SLC37A1: variants seen among roughly 807,000 people sequenced by gnomAD.
SLC37A1 encodes glucose-6-phosphate exchanger SLC37A1.
In SLC37A1, 49 loss-of-function variants were observed where a neutral mutation model predicts 75.3. That is an observed-to-expected ratio of 0.65 (90% CI 0.52 to 0.83). SLC37A1 has a LOEUF of 0.83. Among genes scored for constraint, SLC37A1 ranks in the 40% least tolerant of loss-of-function variants. The probability of loss-of-function intolerance (pLI) is 0.00; values close to 1 mark genes in which losing one functional copy is unlikely to be tolerated. For missense variants in SLC37A1, 566 were observed against 695.0 expected, an observed-to-expected ratio of 0.81 and a Z score of 2.09; for synonymous variants, 268 against 292.1, an observed-to-expected ratio of 0.92 and a Z score of 0.84.
At position 42,528,922 on chromosome 21, in the gene SLC37A1, G is replaced by A. The variant is rs2054870336; in HGVS notation, c.138+3065G>A. On this transcript the variant is annotated intron_variant, in intron 3 of 19. Transcript: ENST00000352133. ...ACTATGGGTGGGAAACTTGTTATTT[G>A]GAAAGTTCCAATTCTCCCAGTGTTA... 2.0e-5 allele frequency among the ~76,000 whole-genome samples: 3 copies of A among 152,148 alleles called. 1 individual carries two copies. The South Asian group carries it at 6.2e-4, about 32-fold the overall frequency.
intron 9 of SLC37A1, among the ~76,000 whole-genome samples, chr21:42,551,137 T>C (rs1312894119): frequency 2.0e-5 from 3 of 152,226 alleles, no homozygotes; most frequent in African/African-American, 7.2e-5. Context: ...TCTTTGCAGA[T>C]GACATGATCT....
rs568977268 is a variant in SLC37A1, at chr21:42,518,278, G to C, written c.-177G>C. The C allele has an allele frequency of 8.7e-6, 6 of 689,842 alleles. No homozygotes were observed. Among genetic ancestry groups the C allele is most frequent in the Non-Finnish European group, 1.5e-5 (6 of 394,530 alleles). The allele number at this position is 689,842 out of a possible 1,614,324, so 42.7% of individuals were successfully genotyped here. A position where few individuals can be genotyped will look rare whatever the true frequency, so the allele number is the denominator to read the frequency against. Reference sequence around the variant, plus strand: ...GAATGCCTCTCCTCCTCCTTGTAGAGAGCAGAGCCACTGCCAGAAGGAAGG... The same window carrying C: ...GAATGCCTCTCCTCCTCCTTGTAGACAGCAGAGCCACTGCCAGAAGGAAGG... On this transcript the variant is annotated splice_region_variant and 5_prime_UTR_variant, in exon 2 of 20. Coordinates refer to ENST00000352133, the MANE Select transcript of SLC37A1 (RefSeq NM_001320537.2).
At position 42,547,146 on chromosome 21, in the gene SLC37A1, G is replaced by C. The variant is rs375664854; in HGVS notation, c.768+6G>C. 3.1e-6 allele frequency: 5 copies of C among 1,614,134 alleles called. No individual in the cohort carries two copies. The South Asian group carries it at 5.5e-5, about 18-fold the overall frequency. On this transcript the variant is annotated splice_donor_region_variant and intron_variant, in intron 9 of 19. Transcript: ENST00000352133. The surrounding 1 kb of genome is among the most constrained non-coding windows in gnomAD (Gnocchi z 6.1). ...GCTCCTCCACCCTGGTGACGGTAAG[G>C]ACCCTGTTTTCTTGTCCTTTTCTAG...
At chr21:42,556,285 T>C (rs1332577547) in intron 10 of SLC37A1, among the ~76,000 whole-genome samples, 1 of 152,196 alleles carries the variant, frequency 6.6e-6, no homozygotes, top group African/African-American at 2.4e-5. Flanking sequence ...CTGAGGATCC[T>C]TCTGATTGGC....
At chr21:42,578,462 T>C (rs977652290) in intron 18 of SLC37A1, among the ~76,000 whole-genome samples, 2 of 152,218 alleles carry the variant, frequency 1.3e-5, no homozygotes, top group Non-Finnish European at 2.9e-5. Context: ...TTCATAATCA[T>C]AGGCCTCTTC....
intron 18 of SLC37A1, among the ~76,000 whole-genome samples, chr21:42,577,438 T>C (rs2056331833): frequency 6.6e-6 from 1 of 152,256 alleles, no homozygotes; most frequent in South Asian, 2.1e-4. Context: ...TTTCTGACTC[T>C]CAGTTTAAAA....
chr21:42,568,261 T>G, intron 16 of SLC37A1, 99 bp from the exon 17 acceptor site: 1 of 911,704 alleles, frequency 1.1e-6, no homozygotes, highest in Non-Finnish European at 1.8e-6. Context: ...TCACGATGAG[T>G]TGTTTTGCAG....
In SLC37A1 at chr21:42,553,904, AGT is replaced by A. The variant is rs1365900429; in HGVS notation, c.769-155_769-154del. Among the ~76,000 whole-genome samples the A allele has an allele frequency of 9.8e-5, 15 of 152,298 alleles. 1 individual carries two copies. In the South Asian group the frequency reaches 2.5e-3, roughly 25 times the overall value. ...CACATTCTATTATCTGAGAGTCTGG[AGT>A]GTTGAGATCAACCATTATTCTGTTT... On this transcript the variant is annotated intron_variant, in intron 9 of 19. Transcript: ENST00000352133.
At chr21:42,522,951 C>T (rs1040997671) in intron 2 of SLC37A1, among the ~76,000 whole-genome samples, 5 of 152,208 alleles carry the variant, frequency 3.3e-5, no homozygotes, top group African/African-American at 9.7e-5. Context: ...GAGCCCAGAA[C>T]GCATCACCAG....
chr21:42,568,262 T>C (rs1223316311), intron 16 of SLC37A1, 98 bp from the exon 17 acceptor site: 10 of 922,110 alleles, frequency 1.1e-5, no homozygotes, highest in Non-Finnish European at 1.7e-5. Flanking sequence ...CACGATGAGT[T>C]GTTTTGCAGA....
chr21:42,565,929 C>G (rs1026069575), intron 15 of SLC37A1, 54 bp downstream of exon 15: 73 of 1,548,672 alleles, frequency 4.7e-5, no homozygotes, highest in Non-Finnish European at 5.8e-5. Context: ...AAAGTTCACA[C>G]AGCTGGCAAG....
At position 42,519,208 on chromosome 21, in the gene SLC37A1, C is replaced by T. The variant is rs2054586217; in HGVS notation, c.56+698C>T. On this transcript the variant is annotated intron_variant, in intron 2 of 19. Coordinates refer to ENST00000352133, the MANE Select transcript of SLC37A1 (RefSeq NM_001320537.2). Reference sequence around the variant, plus strand: ...AAAGACAGATTTCACCACTTATGTACGAGAGGTCATAGAAAAGTGTCCCTC... The same window carrying T: ...AAAGACAGATTTCACCACTTATGTATGAGAGGTCATAGAAAAGTGTCCCTC... Among the ~76,000 whole-genome samples the T allele has an allele frequency of 3.9e-5, 6 of 152,152 alleles. No homozygotes were observed. The South Asian group carries it at 1.0e-3, about 26-fold the overall frequency.
At chr21:42,577,431 C>T (rs1371000129) in intron 18 of SLC37A1, among the ~76,000 whole-genome samples, 1 of 152,232 alleles carries the variant, frequency 6.6e-6, no homozygotes, top group Non-Finnish European at 1.5e-5. Flanking sequence ...AAAAAGCTTT[C>T]TGACTCTCAG....
intron 10 of SLC37A1, among the ~76,000 whole-genome samples, chr21:42,556,808 A>G (rs1488809949): frequency 1.3e-5 from 2 of 151,452 alleles, no homozygotes; most frequent in Admixed American, 1.3e-4. Flanking sequence ...AAAACCAGCC[A>G]TGGCCCCACA....
chr21:42,527,636 G>C (rs963048986), intron 3 of SLC37A1, among the ~76,000 whole-genome samples: 17 of 152,184 alleles, frequency 1.1e-4, no homozygotes, highest in Admixed American at 6.5e-5. Context: ...CCCAGGCAGG[G>C]CTGCCACACA....
At chr21:42,534,636 C>A in intron 3 of SLC37A1, 62 bp from the exon 4 acceptor site, 1 of 1,560,502 alleles carries the variant, frequency 6.4e-7, no homozygotes. Context: ...TCTCTGTGCC[C>A]CATGCTGAGC....
chr21:42,564,545 C>A (rs559241112), intron 13 of SLC37A1, among the ~76,000 whole-genome samples, 163 bp from the exon 14 acceptor site: 34 of 152,276 alleles, frequency 2.2e-4, no homozygotes, highest in African/African-American at 8.2e-4. Context: ...CAATGGAGGC[C>A]TGTGGGGAGG....
At chr21:42,515,310 C>G (rs929511947) in intron 1 of SLC37A1, among the ~76,000 whole-genome samples, 3 of 152,048 alleles carry the variant, frequency 2.0e-5, no homozygotes, top group Non-Finnish European at 4.4e-5. Context: ...TGCATGAAAA[C>G]TTTTGGAGGA....
intron 18 of SLC37A1, among the ~76,000 whole-genome samples, chr21:42,579,309 A>T (rs2056368391): frequency 6.6e-6 from 1 of 152,188 alleles, no homozygotes; most frequent in Non-Finnish European, 1.5e-5. Flanking sequence ...CTGGCTTTAG[A>T]GTCACCTGAG....
Sources: allele counts gnomAD v4.1 joint callset (sites outside exome capture counted in the v4.1 genomes callset), GRCh38; gene constraint gnomAD v4.1.1; non-coding constraint Gnocchi (gnomAD v3.1); transcripts MANE v1.5; gene names NCBI Gene and HGNC (gene_info 2026-07-23, HGNC 2026-07-21).